Variants in DIAPH3 observed in about 807,000 individuals in gnomAD.
DIAPH3 encodes the protein protein diaphanous homolog 3.
A neutral mutation model predicts 144.3 loss-of-function variants in DIAPH3; 117 were observed. The observed-to-expected ratio is 0.81, with a 90% CI of 0.70 to 0.95. The LOEUF (loss-of-function observed/expected upper bound fraction) is 0.95. Ranked by LOEUF, DIAPH3 falls within the 40% of genes least tolerant of loss-of-function variation. The probability of loss-of-function intolerance (pLI) is 0.00; values close to 1 mark genes in which losing one functional copy is unlikely to be tolerated. For missense variants in DIAPH3, 1,421 were observed against 1,412.7 expected (o/e 1.01, Z -0.09); for synonymous variants, 519 against 488.9 (o/e 1.06, Z -0.81).
At chr13:60,129,624 C>A (rs1054891502) in intron 2 of DIAPH3, among the ~76,000 whole-genome samples, 8 of 152,162 alleles carry the variant, frequency 5.3e-5, no homozygotes, top group African/African-American at 1.9e-4. Flanking sequence ...ATGACTACAG[C>A]ACATTGCTAT....
intron 24 of DIAPH3, among the ~76,000 whole-genome samples, chr13:59,819,552 A>G (rs951678440): frequency 1.3e-5 from 2 of 151,886 alleles, no homozygotes; most frequent in South Asian, 4.1e-4. Flanking sequence ...CATATAATGT[A>G]GCAGTTCTCA....
intron 27 of DIAPH3, among the ~76,000 whole-genome samples, chr13:59,705,797 T>C (rs760807032): frequency 2.0e-5 from 3 of 152,194 alleles, no homozygotes; most frequent in Admixed American, 1.3e-4. Flanking sequence ...CTAATTGTTA[T>C]GGTAAATGAG....
At chr13:60,149,184 G>C (rs1469740173) in intron 1 of DIAPH3, among the ~76,000 whole-genome samples, 1 of 152,138 alleles carries the variant, frequency 6.6e-6, no homozygotes, top group African/African-American at 2.4e-5. Context: ...AAACCTTCCT[G>C]ACAGAATGTG....
chr13:59,799,394 C>T (rs981676356), intron 25 of DIAPH3, among the ~76,000 whole-genome samples: 389 of 151,698 alleles, frequency 2.6e-3, no homozygotes, highest in Non-Finnish European at 3.1e-3. Flanking sequence ...CACACACACA[C>T]ACACACACAC....
chr13:60,005,824 T>C (rs1053147308), intron 9 of DIAPH3, among the ~76,000 whole-genome samples: 1 of 152,140 alleles, frequency 6.6e-6, no homozygotes, highest in Middle Eastern at 3.2e-3. Context: ...GATACGTTAA[T>C]TTAGTCTGAC....
intron 27 of DIAPH3, among the ~76,000 whole-genome samples, chr13:59,731,274 G>A (rs1377562325): frequency 1.3e-5 from 2 of 152,152 alleles, no homozygotes; most frequent in Non-Finnish European, 2.9e-5. Flanking sequence ...TAAAACAGGT[G>A]CTCCCTGGAG....
chr13:60,053,225 C>T (rs534506929), intron 4 of DIAPH3, among the ~76,000 whole-genome samples: 36 of 151,768 alleles, frequency 2.4e-4, no homozygotes, highest in Non-Finnish European at 3.8e-4. Flanking sequence ...GAGGGAAGTA[C>T]GGGGAGGAAG....
At chr13:59,863,961 A>G (rs1768976733) in intron 21 of DIAPH3, among the ~76,000 whole-genome samples, 2 of 152,284 alleles carry the variant, frequency 1.3e-5, no homozygotes, top group South Asian at 4.1e-4. Context: ...GAAACAACAT[A>G]GAAACTCTAA....
At chr13:59,732,065 G>A (rs1593696540) in intron 27 of DIAPH3, among the ~76,000 whole-genome samples, 1 of 152,000 alleles carries the variant, frequency 6.6e-6, no homozygotes, top group Admixed American at 6.6e-5. Flanking sequence ...TAGCCAAAGC[G>A]AGTTAATCTC....
intron 1 of DIAPH3, among the ~76,000 whole-genome samples, chr13:60,160,281 G>T (rs1952232185): frequency 6.6e-6 from 1 of 152,168 alleles, no homozygotes; most frequent in Non-Finnish European, 1.5e-5. Flanking sequence ...GTACTACAAT[G>T]ACATAATCAA....
At chr13:59,941,356 C>T (rs2048524980) in intron 17 of DIAPH3, among the ~76,000 whole-genome samples, 1 of 152,126 alleles carries the variant, frequency 6.6e-6, no homozygotes, top group African/African-American at 2.4e-5. Flanking sequence ...ATCAGAAGGA[C>T]AAGATCAGAA....
intron 1 of DIAPH3, among the ~76,000 whole-genome samples, chr13:60,145,021 CACT>C (rs1418523762): frequency 6.6e-6 from 1 of 152,164 alleles, no homozygotes; most frequent in Non-Finnish European, 1.5e-5. Context: ...CCCACCTTAT[CACT>C]ACTACTACAC....
intron 4 of DIAPH3, among the ~76,000 whole-genome samples, chr13:60,078,271 GGGTGGCAAT>G (rs2057441465): frequency 6.6e-6 from 1 of 152,126 alleles, no homozygotes; most frequent in African/African-American, 2.4e-5. Context: ...TAGGCAAAAA[GGGTGGCAAT>G]GCTGAAGTCA....
chr13:60,114,986 C>A (rs1174575628), intron 2 of DIAPH3, among the ~76,000 whole-genome samples: 2 of 152,068 alleles, frequency 1.3e-5, no homozygotes, highest in Admixed American at 1.3e-4. Context: ...TAATGGGAAA[C>A]CTTACCAATA....
rs569919309 is a variant in DIAPH3, at chr13:60,043,186, T to C, written c.496-366A>G. Among the ~76,000 whole-genome samples the C allele has an allele frequency of 1.4e-4, 22 of 152,344 alleles. No homozygotes were observed. The South Asian group carries it at 4.3e-3, about 30-fold the overall frequency. On this transcript the variant is annotated intron_variant, in intron 4 of 27. Coordinates refer to ENST00000400324, the MANE Select transcript of DIAPH3 (RefSeq NM_001042517.2). ...AGAACTACCCTATTAAAATTAGTAT[T>C]CTGAGCAGTGTAGAAAAGGCTATTA...
chr13:59,766,755 T>G (rs7985731), intron 27 of DIAPH3, among the ~76,000 whole-genome samples: 1 of 151,180 alleles, frequency 6.6e-6, no homozygotes, highest in Non-Finnish European at 1.5e-5. Flanking sequence ...TCAGCTATTT[T>G]CCTACTTTTT....
intron 25 of DIAPH3, among the ~76,000 whole-genome samples, chr13:59,796,223 G>T (rs1166966461): frequency 6.6e-6 from 1 of 152,196 alleles, no homozygotes. Context: ...TCTAATGACA[G>T]TTGTTATGGA....
intron 25 of DIAPH3, among the ~76,000 whole-genome samples, chr13:59,785,398 G>C (rs1051999422): frequency 6.6e-6 from 1 of 152,122 alleles, no homozygotes; most frequent in African/African-American, 2.4e-5. Flanking sequence ...GTTAAAGAGT[G>C]AAACTCCTGG....
intron 7 of DIAPH3, chr13:60,013,326 T>A: frequency 3.9e-6 from 2 of 510,488 alleles, no homozygotes; most frequent in Non-Finnish European, 5.1e-6. Context: ...ACGCCCAACA[T>A]CTGGACGCAC....
Sources: gnomAD v4.1 joint callset for allele counts (sites outside exome capture counted in the v4.1 genomes callset) on GRCh38, gnomAD v4.1.1 for gene constraint, MANE v1.5 for transcripts, NCBI Gene and HGNC (gene_info 2026-07-23, HGNC 2026-07-21) for gene names.